Variants in KIAA1671 observed in about 807,000 individuals in gnomAD.
The protein encoded by KIAA1671 is KIAA1671.
In KIAA1671, 52 loss-of-function variants were observed where a neutral mutation model predicts 131.2. The observed-to-expected ratio is 0.40, with a 90% CI of 0.32 to 0.50. The LOEUF is 0.50. Ranked by LOEUF, KIAA1671 falls within the 20% of genes least tolerant of loss-of-function variation. The probability of loss-of-function intolerance (pLI) is 0.73; values close to 1 mark genes in which losing one functional copy is unlikely to be tolerated. For synonymous variants in KIAA1671, 1,003 were observed against 961.6 expected (o/e 1.04, Z -0.80); for missense variants, 2,360 against 2,364.2 (o/e 1.00, Z 0.04).
chr22:25,020,334 T>C (rs1325381165), intron 1 of KIAA1671, among the ~76,000 whole-genome samples: 1 of 152,224 alleles, frequency 6.6e-6, no homozygotes, highest in Non-Finnish European at 1.5e-5. Flanking sequence ...TAACTCTTGA[T>C]GTGGGTCTCA....
intron 6 of KIAA1671, among the ~76,000 whole-genome samples, chr22:25,114,966 T>C (rs1931580032): frequency 6.6e-6 from 1 of 152,216 alleles, no homozygotes; most frequent in African/African-American, 2.4e-5. Flanking sequence ...CCGGCTTGTA[T>C]TTACTCAGAG....
intron 6 of KIAA1671, among the ~76,000 whole-genome samples, chr22:25,109,446 C>T (rs578254894): frequency 1.1e-4 from 16 of 152,086 alleles, no homozygotes; most frequent in African/African-American, 2.9e-4. Context: ...CCACCGCGCC[C>T]GGCCCATCAC....
chr22:24,976,780 G>C (rs868746942), intron 1 of KIAA1671, among the ~76,000 whole-genome samples: 87 of 152,238 alleles, frequency 5.7e-4, no homozygotes, highest in African/African-American at 2.0e-3. Context: ...TCGTGCAAGA[G>C]ACGCACTGCC....
chr22:25,155,599 C>T (rs1187507743), intron 6 of KIAA1671, among the ~76,000 whole-genome samples: 2 of 150,810 alleles, frequency 1.3e-5, no homozygotes, highest in Non-Finnish European at 3.0e-5. Flanking sequence ...TGTGTATGTG[C>T]TTGTGTATAT....
intron 11 of KIAA1671, chr22:25,185,540 T>A (rs1934446992): frequency 5.8e-6 from 1 of 171,800 alleles, no homozygotes; most frequent in Non-Finnish European, 1.2e-5. Flanking sequence ...CCAGGTTGAA[T>A]GAGATCGGTT....
intron 11 of KIAA1671, among the ~76,000 whole-genome samples, chr22:25,189,654 A>G (rs1260011363): frequency 1.3e-5 from 2 of 152,242 alleles, no homozygotes; most frequent in African/African-American, 4.8e-5. Context: ...ATTAGGTTTA[A>G]GTTGATGCAT....
chr22:25,019,677 T>C (rs1282099706), intron 1 of KIAA1671, among the ~76,000 whole-genome samples: 1 of 120,890 alleles, frequency 8.3e-6, no homozygotes, highest in African/African-American at 3.6e-5. Context: ...TGTCATGACC[T>C]TGAATACAAA....
intron 1 of KIAA1671, among the ~76,000 whole-genome samples, chr22:25,008,873 C>T (rs1924883108): frequency 6.6e-6 from 1 of 152,166 alleles, no homozygotes; most frequent in East Asian, 1.9e-4. Flanking sequence ...ACACAGAGGC[C>T]CAGAAATAGG....
At chr22:25,008,855 C>T (rs1924882026) in intron 1 of KIAA1671, among the ~76,000 whole-genome samples, 1 of 152,226 alleles carries the variant, frequency 6.6e-6, no homozygotes, top group African/African-American at 2.4e-5. Context: ...AAGTGTGTCT[C>T]TTCAGCTACA....
At chr22:25,118,863 C>T (rs1931804654) in intron 6 of KIAA1671, among the ~76,000 whole-genome samples, 1 of 152,154 alleles carries the variant, frequency 6.6e-6, no homozygotes, top group Admixed American at 6.5e-5. Context: ...TTCCAGACGC[C>T]AGGACTTTGC....
intron 6 of KIAA1671, chr22:25,061,278 TTGAG>T (rs1928145254): frequency 2.6e-5 from 4 of 152,348 alleles, no homozygotes; most frequent in Admixed American, 1.3e-4. Flanking sequence ...TCGAGGTCTC[TTGAG>T]AATAGGGACA....
At chr22:25,146,197 T>C (rs912614468) in intron 6 of KIAA1671, among the ~76,000 whole-genome samples, 9 of 152,188 alleles carry the variant, frequency 5.9e-5, no homozygotes, top group Non-Finnish European at 7.3e-5. Flanking sequence ...ATGGCTACCA[T>C]GTATGGCCTC....
chr22:25,107,899 T>G lies in KIAA1671; in HGVS notation c.4530+58535T>G, dbSNP rs187367757. ...GGTGCACACCTGTAATCCCAGATAC[T>G]CGGGAGGCTGAAGCAGGAGAATCGC... On this transcript the variant is annotated intron_variant, in intron 6 of 12. Coordinates refer to ENST00000358431, the MANE Select transcript of KIAA1671 (RefSeq NM_001145206.2). Among the ~76,000 whole-genome samples the G allele has an allele frequency of 1.2e-4, 18 of 152,052 alleles. 1 individual carries two copies. In the East Asian group the frequency reaches 3.5e-3, roughly 30 times the overall value.
At position 24,973,389 on chromosome 22, in the gene KIAA1671, GTTTTTTTTTTTT is replaced by G. The variant is rs57519039; in HGVS notation, c.-208+20633_-208+20644del. ...TACAGACCCCAAACTGCATATGATG[GTTTTTTTTTTTT>G]TTTTTTTTTTTTTTTGAGACGGAGT... On this transcript the variant is annotated intron_variant, in intron 1 of 12. Transcript: ENST00000358431. 7.0e-5 allele frequency among the ~76,000 whole-genome samples: 5 copies of G among 71,690 alleles called. No homozygotes were observed. In the East Asian group the frequency reaches 4.2e-3, roughly 60 times the overall value. 47.0% of individuals were successfully genotyped at this position (71,690 alleles called of 152,430 possible). A position where few individuals can be genotyped will look rare whatever the true frequency, so the allele number is the denominator to read the frequency against.
At chr22:24,983,613 G>A in intron 1 of KIAA1671, among the ~76,000 whole-genome samples, 1 of 151,468 alleles carries the variant, frequency 6.6e-6, no homozygotes, top group East Asian at 1.9e-4. Context: ...ATGGTGGGGG[G>A]GCGGGGGTGG....
intron 6 of KIAA1671, chr22:25,062,934 T>G (rs968478486): frequency 2.0e-5 from 3 of 151,786 alleles, no homozygotes; most frequent in African/African-American, 7.3e-5. Context: ...TGGGATTGGC[T>G]CAGAGATGCC....
chr22:25,052,583 A>C (rs1413534096), intron 6 of KIAA1671: 8 of 152,270 alleles, frequency 5.3e-5, no homozygotes, highest in African/African-American at 1.9e-4. Flanking sequence ...CCATGCTCTT[A>C]AGTGTCTGCT....
chr22:24,971,688 T>C (rs544696325), intron 1 of KIAA1671, among the ~76,000 whole-genome samples: 3 of 152,294 alleles, frequency 2.0e-5, no homozygotes, highest in South Asian at 4.1e-4. Context: ...TGCTGTGGGA[T>C]GTGGTACTGA....
rs191273982 is a variant in KIAA1671, at chr22:25,190,292, G to A, written c.5343-410G>A. ...CCTTGCATGCACAGTTCACAATAGG[G>A]TTCACACTCCTATGAGAATCTAATG... On this transcript the variant is annotated intron_variant, in intron 11 of 12. Transcript: ENST00000358431. 9.2e-5 allele frequency among the ~76,000 whole-genome samples: 14 copies of A among 152,196 alleles called. No homozygotes were observed. The East Asian group carries it at 2.5e-3, about 27-fold the overall frequency.
Sources: allele counts gnomAD v4.1 joint callset (sites outside exome capture counted in the v4.1 genomes callset), GRCh38; gene constraint gnomAD v4.1.1; transcripts MANE v1.5; gene names NCBI Gene and HGNC (gene_info 2026-07-23, HGNC 2026-07-21).